Variants in TMEM39B observed in about 807,000 individuals in gnomAD.
TMEM39B encodes the protein transmembrane protein 39B.
Under a neutral mutation model 52.2 loss-of-function variants are expected in TMEM39B, and 23 were observed. The observed-to-expected ratio is 0.44, with a 90% CI of 0.32 to 0.62. The LOEUF is 0.62. Among genes scored for constraint, TMEM39B ranks in the 20% least tolerant of loss-of-function variants. The pLI is 0.06. For synonymous variants in TMEM39B, 285 were observed against 264.0 expected, an observed-to-expected ratio of 1.08 and a Z score of -0.77; for missense variants, 547 against 642.0, an observed-to-expected ratio of 0.85 and a Z score of 1.60.
intron 5 of TMEM39B, among the ~76,000 whole-genome samples, chr1:32,091,356 G>C (rs554186455): frequency 6.6e-6 from 1 of 152,214 alleles, no homozygotes; most frequent in African/African-American, 2.4e-5. Flanking sequence ...AACATAGGCC[G>C]AGCCCAGCGA....
chr1:32,080,016 A>G (rs1229631027), intron 5 of TMEM39B, among the ~76,000 whole-genome samples: 2 of 151,994 alleles, frequency 1.3e-5, no homozygotes, highest in African/African-American at 4.8e-5. Context: ...TGGCCTCCCA[A>G]AGTGCTGGGA....
intron 5 of TMEM39B, among the ~76,000 whole-genome samples, chr1:32,080,544 G>A (rs183345603): frequency 6.6e-6 from 1 of 151,944 alleles, no homozygotes; most frequent in East Asian, 2.0e-4. Flanking sequence ...GATGGCACTT[G>A]CAGTCCCAGC....
intron 8 of TMEM39B, 83 bp downstream of exon 8, chr1:32,100,645 G>A (rs1222808556): frequency 1.3e-6 from 2 of 1,573,844 alleles, no homozygotes; most frequent in South Asian, 2.2e-5. Flanking sequence ...GTCATTGCAA[G>A]AGAAAGCTAT....
intron 5 of TMEM39B, among the ~76,000 whole-genome samples, chr1:32,091,204 C>G (rs1486380674): frequency 6.6e-6 from 1 of 151,342 alleles, no homozygotes; most frequent in Non-Finnish European, 1.5e-5. Context: ...CACTTCCTTA[C>G]TAATGTGTAA....
chr1:32,073,326 G>A (rs1289721078), intron 1 of TMEM39B: 17 of 477,370 alleles, frequency 3.6e-5, no homozygotes, highest in Non-Finnish European at 5.2e-5. Flanking sequence ...AGAAAGGGGG[G>A]CGGGACTTAC....
intron 7 of TMEM39B, among the ~76,000 whole-genome samples, chr1:32,097,177 C>G (rs1320419691): frequency 3.9e-5 from 6 of 152,038 alleles, no homozygotes; most frequent in Non-Finnish European, 7.4e-5. Context: ...ACCCCTCATT[C>G]AAGATATAGA....
intron 6 of TMEM39B, 35 bp downstream of exon 6, chr1:32,092,046 G>C (rs892179215): frequency 1.3e-6 from 2 of 1,587,730 alleles, no homozygotes; most frequent in African/African-American, 1.3e-5. Flanking sequence ...AAAGGGACTA[G>C]CTGGGACTTT....
chr1:32,094,263 A>G (rs1035215845), intron 6 of TMEM39B, among the ~76,000 whole-genome samples: 3 of 149,246 alleles, frequency 2.0e-5, no homozygotes, highest in East Asian at 4.0e-4. Flanking sequence ...AGTAGCTGGG[A>G]CTACAGGCAC....
intron 5 of TMEM39B, among the ~76,000 whole-genome samples, chr1:32,084,783 G>T (rs971645108): frequency 2.9e-4 from 44 of 152,012 alleles, no homozygotes; most frequent in Non-Finnish European, 1.5e-5. Flanking sequence ...GGTCAGGCTG[G>T]TCTCAAACTC....
intron 5 of TMEM39B, among the ~76,000 whole-genome samples, chr1:32,079,701 C>G (rs78572941): frequency 6.6e-6 from 1 of 152,044 alleles, no homozygotes; most frequent in African/African-American, 2.4e-5. Flanking sequence ...GACCTGCTGC[C>G]TCATTTTTTT....
At chr1:32,085,270 C>T (rs189735294) in intron 5 of TMEM39B, among the ~76,000 whole-genome samples, 2 of 152,066 alleles carry the variant, frequency 1.3e-5, no homozygotes, top group East Asian at 3.9e-4. Flanking sequence ...ATCTTTTTCT[C>T]CTATATTTCT....
At chr1:32,100,412 A>T in intron 7 of TMEM39B, 30 bp from the exon 8 acceptor site, 1 of 1,535,544 alleles carries the variant, frequency 6.5e-7, no homozygotes, top group African/African-American at 1.4e-5. Flanking sequence ...TGAGCTGGGG[A>T]TAAGGGGCAC....
At chr1:32,072,041 A>C (rs2124413558), upstream of TMEM39B, 1 of 152,274 alleles carries the variant, frequency 6.6e-6, no homozygotes, top group Admixed American at 6.5e-5. Context: ...ATTCCCATCT[A>C]ACATACTACA....
chr1:32,098,056 C>G (rs371412078), intron 7 of TMEM39B, among the ~76,000 whole-genome samples: 8 of 151,882 alleles, frequency 5.3e-5, no homozygotes, highest in East Asian at 2.0e-4. Flanking sequence ...GAGTGCAGTG[C>G]TGCGATCTTG....
At chr1:32,080,800 T>C (rs759875094) in intron 5 of TMEM39B, among the ~76,000 whole-genome samples, 1 of 152,138 alleles carries the variant, frequency 6.6e-6, no homozygotes, top group Non-Finnish European at 1.5e-5. Context: ...CATTATTTAA[T>C]TTAAAAATGT....
intron 3 of TMEM39B, chr1:32,076,531 A>G: frequency 1.5e-6 from 1 of 673,084 alleles, no homozygotes; most frequent in African/African-American, 1.8e-5. Flanking sequence ...TGAGCAGAGC[A>G]AGAGGGCTCA....
intron 5 of TMEM39B, among the ~76,000 whole-genome samples, chr1:32,078,159 C>T (rs988484702): frequency 6.6e-6 from 1 of 152,158 alleles, no homozygotes; most frequent in African/African-American, 2.4e-5. Flanking sequence ...CCCTGTCACA[C>T]TTCCTTCAGT....
In TMEM39B at chr1:32,075,755, A is replaced by C; in HGVS notation, c.284A>C (p.His95Pro). Residue 95 changes from histidine (H) to proline (P), a missense_variant, in exon 3 of 9, where the codon CAC becomes CCC. By Grantham distance (77) the His-to-Pro change is moderately conservative (BLOSUM62 -2). Coordinates refer to ENST00000336294, the MANE Select transcript of TMEM39B (RefSeq NM_018056.4). ...FFCQLIALFV[H>P]YINIYKTVWW... ...TGCCAGCTCATAGCACTCTTCGTCC[A>C]CTACATCAACATCTACAAGACAGTG... is the stretch of plus-strand genomic sequence containing the variant. 6.4e-7 allele frequency: 1 copy of C among 1,551,032 alleles called. No individual in the cohort carries two copies. The highest frequency in any genetic ancestry group is 8.7e-7 in the Non-Finnish European group (1 of 1,146,612).
At position 32,100,508 on chromosome 1, in the gene TMEM39B, C is replaced by T. The variant is rs781012201; in HGVS notation, c.1182C>T (p.Ala394=). The T allele has an allele frequency of 1.3e-5, 21 of 1,613,816 alleles. No homozygotes were observed. The highest frequency in any genetic ancestry group is 2.7e-5 in the African/African-American group (2 of 74,940). Residue 394 remains alanine (A), a synonymous_variant, in exon 8 of 9, where the codon GCC becomes GCT. Coordinates refer to ENST00000336294, the MANE Select transcript of TMEM39B (RefSeq NM_018056.4). ...AGCACAGCAAGAACGTCTACAAAGC[C>T]GTAGGCCACTACAACGTGGCTATCC... ...LVKHSKNVYK[A]VGHYNVAIPS... is the part of the protein sequence containing the mutation.
Sources: allele counts gnomAD v4.1 joint callset (sites outside exome capture counted in the v4.1 genomes callset), GRCh38; gene constraint gnomAD v4.1.1; transcripts MANE v1.5; gene names NCBI Gene and HGNC (gene_info 2026-07-23, HGNC 2026-07-21).